Variants in PHF14 observed in about 807,000 individuals in gnomAD.
PHF14 encodes the protein PHD finger protein 14.
In PHF14, 55 loss-of-function variants were observed where a neutral mutation model predicts 117.9. That is an observed-to-expected ratio of 0.47 (90% CI 0.38 to 0.58). The LOEUF (loss-of-function observed/expected upper bound fraction) is 0.58, where lower values mean the gene tolerates loss of function less well. Among genes scored for constraint, PHF14 ranks in the 20% least tolerant of loss-of-function variants. The probability of loss-of-function intolerance (pLI) is 0.00; values close to 1 mark genes in which losing one functional copy is unlikely to be tolerated. For synonymous variants in PHF14, 409 were observed against 368.6 expected (o/e 1.11, Z -1.26); for missense variants, 978 against 1,122.2 (o/e 0.87, Z 1.84).
chr7:11,154,165 G>A (rs186202806), intron 17 of PHF14, among the ~76,000 whole-genome samples: 111 of 151,776 alleles, frequency 7.3e-4, no homozygotes, highest in Non-Finnish European at 1.1e-3. Flanking sequence ...GCTATGACTT[G>A]GACTATTATT....
chr7:11,005,902 C>T (rs1783067995), intron 4 of PHF14, among the ~76,000 whole-genome samples: 1 of 148,784 alleles, frequency 6.7e-6, no homozygotes, highest in South Asian at 2.1e-4. Context: ...AAGCGATTCT[C>T]CCGCCTCAGC....
chr7:11,073,684 C>T (rs1390617405), intron 16 of PHF14, among the ~76,000 whole-genome samples: 1 of 152,236 alleles, frequency 6.6e-6, no homozygotes, highest in Non-Finnish European at 1.5e-5. Context: ...AGGGTTCCAA[C>T]TCCACATTTC....
chr7:10,986,884 A>C (rs944006735), intron 3 of PHF14, among the ~76,000 whole-genome samples: 1 of 152,236 alleles, frequency 6.6e-6, no homozygotes, highest in African/African-American at 2.4e-5. Flanking sequence ...AAAAGAAAGA[A>C]GAGCTCTGTT....
chr7:11,030,863 A>C (rs1784098114), intron 7 of PHF14, among the ~76,000 whole-genome samples: 1 of 152,196 alleles, frequency 6.6e-6, no homozygotes, highest in Admixed American at 6.5e-5. Flanking sequence ...TCTTGTTATA[A>C]ACAGAGAATT....
At chr7:11,108,963 G>T (rs2128343008) in intron 16 of PHF14, 1 of 151,820 alleles carries the variant, frequency 6.6e-6, no homozygotes, top group Middle Eastern at 3.4e-3. Context: ...ATGTGAACTA[G>T]GAAAATGTTA....
Position 11,088,755 on chromosome 7 carries a change from A to G in PHF14, c.2655-22595A>G, listed in dbSNP as rs189586930. Reference sequence around the variant, plus strand: ...TCCCACCGTAAATATATAACTCCCCAAATTAAAACAACTGAAAACACTGTA... The same window carrying G: ...TCCCACCGTAAATATATAACTCCCCGAATTAAAACAACTGAAAACACTGTA... On this transcript the variant is annotated intron_variant, in intron 16 of 17. Transcript: ENST00000634607. 3.3e-5 allele frequency among the ~76,000 whole-genome samples: 5 copies of G among 152,288 alleles called. No homozygotes were observed. In the East Asian group the frequency reaches 9.6e-4, roughly 29 times the overall value.
intron 17 of PHF14, among the ~76,000 whole-genome samples, chr7:11,153,941 G>A (rs1788772097): frequency 7.7e-6 from 1 of 129,966 alleles, no homozygotes; most frequent in African/African-American, 3.0e-5. Flanking sequence ...GTCCCTGTCT[G>A]TGTGTGCGTG....
intron 7 of PHF14, among the ~76,000 whole-genome samples, chr7:11,032,885 T>A (rs1403806657): frequency 6.6e-6 from 1 of 152,244 alleles, no homozygotes; most frequent in Non-Finnish European, 1.5e-5. Flanking sequence ...ATGAATCTGA[T>A]GACAGTCAGG....
chr7:10,974,788 T>G, intron 1 of PHF14, 47 bp from the exon 2 acceptor site: 4 of 929,304 alleles, frequency 4.3e-6, no homozygotes, highest in Non-Finnish European at 6.7e-6. Flanking sequence ...CTCTCCCCTG[T>G]GTTTGGTGTG....
At chr7:11,075,430 A>G (rs1389145275) in intron 16 of PHF14, among the ~76,000 whole-genome samples, 1 of 152,204 alleles carries the variant, frequency 6.6e-6, no homozygotes, top group Non-Finnish European at 1.5e-5. Context: ...TAAACTTACA[A>G]TCATGGCAGA....
chr7:11,053,026 T>C lies in PHF14; in HGVS notation c.2481+1246T>C, dbSNP rs147746864. ...AGTTATGAATTCTTAGGGCATACTT[T>C]CCTTGCTTGAGCTGAGGCAGGCACT... On this transcript the variant is annotated intron_variant, in intron 14 of 17. Transcript: ENST00000634607. 2.4e-3 allele frequency among the ~76,000 whole-genome samples: 371 copies of C among 152,274 alleles called. 1 individual carries two copies. Among genetic ancestry groups the C allele is most frequent in the African/African-American group, 8.3e-3 (346 of 41,562 alleles).
chr7:11,089,459 G>A (rs1280800241), intron 16 of PHF14, among the ~76,000 whole-genome samples: 1 of 152,174 alleles, frequency 6.6e-6, no homozygotes, highest in Non-Finnish European at 1.5e-5. Flanking sequence ...GGGAGGCAGA[G>A]GTGGGAGGAT....
At chr7:11,142,694 G>T (rs947720074) in intron 17 of PHF14, among the ~76,000 whole-genome samples, 3 of 152,136 alleles carry the variant, frequency 2.0e-5, no homozygotes, top group African/African-American at 4.8e-5. Flanking sequence ...GGGAAAAAAT[G>T]ATGATAAGAT....
chr7:11,085,628 A>G (rs544317535), intron 16 of PHF14, among the ~76,000 whole-genome samples: 8 of 152,110 alleles, frequency 5.3e-5, no homozygotes, highest in South Asian at 2.1e-4. Context: ...TTAAAACACT[A>G]TCTTTTCTTG....
chr7:10,975,044 T>C, intron 2 of PHF14, 99 bp downstream of exon 2: 1 of 694,036 alleles, frequency 1.4e-6, no homozygotes, highest in East Asian at 2.7e-5. Context: ...CAATTTTAAG[T>C]GAAAGCACGT....
intron 16 of PHF14, among the ~76,000 whole-genome samples, chr7:11,096,753 C>T (rs1786885363): frequency 6.6e-6 from 1 of 151,994 alleles, no homozygotes; most frequent in Non-Finnish European, 1.5e-5. Context: ...GATAATCTTC[C>T]CACAGGACAG....
intron 16 of PHF14, among the ~76,000 whole-genome samples, chr7:11,097,361 C>G (rs1314211462): frequency 6.6e-6 from 1 of 152,068 alleles, no homozygotes; most frequent in African/African-American, 2.4e-5. Flanking sequence ...AATATTTTAT[C>G]AATAAAAGCT....
chr7:10,987,142 A>G (rs80149003), intron 3 of PHF14, among the ~76,000 whole-genome samples: 2,865 of 152,264 alleles, frequency 0.019, 95 homozygotes, highest in African/African-American at 0.066. Flanking sequence ...TTGTCTTTTT[A>G]CACATTGCAA....
intron 16 of PHF14, among the ~76,000 whole-genome samples, chr7:11,094,586 G>A (rs1786774680): frequency 6.6e-6 from 1 of 152,108 alleles, no homozygotes; most frequent in African/African-American, 2.4e-5. Flanking sequence ...CAGGGCATTA[G>A]AACATGGACT....
Sources: gnomAD v4.1 joint callset for allele counts (sites outside exome capture counted in the v4.1 genomes callset) on GRCh38, gnomAD v4.1.1 for gene constraint, MANE v1.5 for transcripts, NCBI Gene and HGNC (gene_info 2026-07-23, HGNC 2026-07-21) for gene names.